SPOCK3: variants seen among roughly 807,000 people sequenced by gnomAD.
SPOCK3 encodes SPARC (osteonectin), cwcv and kazal like domains proteoglycan 3.
A neutral mutation model predicts 56.6 loss-of-function variants in SPOCK3; 30 were observed. The observed-to-expected ratio is 0.53, with a 90% CI of 0.40 to 0.72. The LOEUF (loss-of-function observed/expected upper bound fraction) is 0.72, where lower values mean the gene tolerates loss of function less well. Among genes scored for constraint, SPOCK3 ranks in the 30% least tolerant of loss-of-function variants. SPOCK3 has a pLI of 0.00. For missense variants in SPOCK3, 527 were observed against 530.0 expected (o/e 0.99, Z 0.06); for synonymous variants, 196 against 183.3 (o/e 1.07, Z -0.56).
chr4:166,904,207 T>G (rs1334624849), intron 5 of SPOCK3, among the ~76,000 whole-genome samples: 1 of 151,958 alleles, frequency 6.6e-6, no homozygotes, highest in Non-Finnish European at 1.5e-5. Flanking sequence ...TGTTTCAAAT[T>G]CTTATGTTTA....
chr4:166,804,984 T>A (rs976484186), intron 6 of SPOCK3, among the ~76,000 whole-genome samples: 2 of 152,166 alleles, frequency 1.3e-5, no homozygotes, highest in Non-Finnish European at 2.9e-5. Flanking sequence ...TAAGATGCTT[T>A]CAACCAATAT....
intron 2 of SPOCK3, among the ~76,000 whole-genome samples, chr4:167,163,203 G>T (rs1580482501): frequency 6.9e-6 from 1 of 145,592 alleles, no homozygotes; most frequent in Non-Finnish European, 1.5e-5. Flanking sequence ...TAAATTTTAG[G>T]TAATCCTCAT....
intron 2 of SPOCK3, among the ~76,000 whole-genome samples, chr4:167,114,797 GT>G (rs886924657): frequency 6.6e-6 from 1 of 151,984 alleles, no homozygotes; most frequent in Non-Finnish European, 1.5e-5. Flanking sequence ...TTGTGGTAAG[GT>G]GCTATGTTTC....
At chr4:166,837,008 G>A (rs1017441062) in intron 6 of SPOCK3, among the ~76,000 whole-genome samples, 5 of 152,180 alleles carry the variant, frequency 3.3e-5, no homozygotes, top group Admixed American at 2.6e-4. Flanking sequence ...CGCTCCCATT[G>A]CAAGACCTCA....
chr4:167,217,631 A>G (rs997882443), intron 2 of SPOCK3, among the ~76,000 whole-genome samples: 4 of 152,030 alleles, frequency 2.6e-5, no homozygotes, highest in Admixed American at 2.0e-4. Context: ...AAAAACCTAA[A>G]AAATATGCTA....
At position 167,089,983 on chromosome 4, in the gene SPOCK3, T is replaced by C. The variant is rs547274484; in HGVS notation, c.190-27446A>G. Among the ~76,000 whole-genome samples, 84 of 152,226 alleles carry C rather than the reference T, an allele frequency of 5.5e-4. 1 individual carries two copies. Among genetic ancestry groups the C allele is most frequent in the Middle Eastern group, 6.8e-3 (2 of 294 alleles). ...TGGGTTTTTTTTTATTGCTGAGTAA[T>C]ATTCCATTGTCTGTATGTACAACAA... On this transcript the variant is annotated intron_variant, in intron 2 of 10. Coordinates refer to ENST00000357545, the MANE Select transcript of SPOCK3 (RefSeq NM_001040159.2).
At position 166,885,258 on chromosome 4, in the gene SPOCK3, G is replaced by A. The variant is rs1490517092; in HGVS notation, c.589+3872C>T. On this transcript the variant is annotated intron_variant, in intron 6 of 10. Coordinates refer to ENST00000357545, the MANE Select transcript of SPOCK3 (RefSeq NM_001040159.2). Reference sequence around the variant, plus strand: ...CTAGTATCCTTGCTGGGACTTGGTTGCCTTATTTCTAAAATAACCACCCAC... The same window carrying A: ...CTAGTATCCTTGCTGGGACTTGGTTACCTTATTTCTAAAATAACCACCCAC... Among the ~76,000 whole-genome samples, 33 of 149,660 alleles carry A rather than the reference G, an allele frequency of 2.2e-4. 1 individual carries two copies. In the Admixed American group the frequency reaches 2.2e-3, roughly 10 times the overall value.
rs1350081448 is a variant in SPOCK3 at position 166,735,016 on chromosome 4, C to T, written c.1207G>A (p.Asp403Asn). 1 of 1,493,258 alleles carries T rather than the reference C, an allele frequency of 6.7e-7. No individual in the cohort carries two copies. The highest frequency in any genetic ancestry group is 9.3e-7 in the Non-Finnish European group (1 of 1,070,848). The allele number at this position is 1,493,258 out of a possible 1,614,324, so 92.5% of individuals were successfully genotyped here. A position where few individuals can be genotyped will look rare whatever the true frequency, so the allele number is the denominator to read the frequency against. ...TCATCTTCATCATTCATAATATCGTCTTCATCATCCTCATCATCAGTCCAT... is the reference window on the plus strand; with the variant it reads ...TCATCTTCATCATTCATAATATCGTTTTCATCATCCTCATCATCAGTCCAT... ...HEWTDDEDDEDDIMNDEDEIE... is the reference protein window; with the variant it reads ...HEWTDDEDDENDIMNDEDEIE... Residue 403 changes from aspartate to asparagine, a missense_variant, in exon 11 of 11, where the codon GAC (aspartate) becomes AAC (asparagine). Physicochemically the swap from Asp to Asn is conservative, Grantham distance 23. Transcript: ENST00000357545.
intron 6 of SPOCK3, among the ~76,000 whole-genome samples, chr4:166,818,762 C>T (rs1438711386): frequency 6.6e-6 from 1 of 151,946 alleles, no homozygotes; most frequent in Non-Finnish European, 1.5e-5. Context: ...TATTTTAAAA[C>T]ATTCCAGCTT....
intron 5 of SPOCK3, among the ~76,000 whole-genome samples, chr4:166,900,698 G>A (rs182883676): frequency 5.3e-5 from 8 of 152,188 alleles, no homozygotes; most frequent in Admixed American, 2.0e-4. Context: ...GGCCATAGTC[G>A]AAAACATAAT....
At chr4:166,737,173 C>T (rs2126352218) in intron 10 of SPOCK3, among the ~76,000 whole-genome samples, 1 of 152,204 alleles carries the variant, frequency 6.6e-6, no homozygotes, top group South Asian at 2.1e-4. Context: ...GAAAGGTCTG[C>T]TTTAGCTGAG....
At chr4:167,180,899 A>C (rs2110752043) in intron 2 of SPOCK3, among the ~76,000 whole-genome samples, 1 of 152,324 alleles carries the variant, frequency 6.6e-6, no homozygotes, top group Admixed American at 6.5e-5. Context: ...CCATTACATA[A>C]AATTTAAAAA....
intron 2 of SPOCK3, among the ~76,000 whole-genome samples, chr4:167,197,573 T>A (rs996026945): frequency 3.3e-5 from 5 of 151,674 alleles, no homozygotes; most frequent in African/African-American, 1.2e-4. Flanking sequence ...AATATTATTT[T>A]AAGATTGTAC....
intron 4 of SPOCK3, among the ~76,000 whole-genome samples, chr4:166,923,250 G>A (rs1326532593): frequency 1.3e-5 from 2 of 152,154 alleles, no homozygotes; most frequent in African/African-American, 4.8e-5. Flanking sequence ...AAGGATACAT[G>A]TGATTACATT....
chr4:167,004,438 T>C (rs1579967389), intron 3 of SPOCK3, among the ~76,000 whole-genome samples: 1 of 152,184 alleles, frequency 6.6e-6, no homozygotes, highest in South Asian at 2.1e-4. Flanking sequence ...TGGAAAACAC[T>C]GAACAGGGAG....
chr4:166,990,869 GGAGA>G (rs1012478136), intron 4 of SPOCK3, among the ~76,000 whole-genome samples: 20 of 151,904 alleles, frequency 1.3e-4, no homozygotes, highest in African/African-American at 2.2e-4. Context: ...TTGATGAACT[GGAGA>G]GAGAAATATT....
At chr4:166,925,276 CAT>C (rs1738956877) in intron 4 of SPOCK3, among the ~76,000 whole-genome samples, 1 of 151,964 alleles carries the variant, frequency 6.6e-6, no homozygotes, top group Non-Finnish European at 1.5e-5. Flanking sequence ...ATACAAAAAC[CAT>C]TCTTAATTCT....
chr4:167,170,637 C>A (rs1032279923), intron 2 of SPOCK3, among the ~76,000 whole-genome samples: 4 of 152,142 alleles, frequency 2.6e-5, no homozygotes, highest in Non-Finnish European at 2.9e-5. Context: ...AGTGGCAGAA[C>A]TTATCTTTGA....
At position 167,220,860 on chromosome 4, in the gene SPOCK3, G is replaced by C. The variant is rs563925346; in HGVS notation, c.189+13125C>G. On this transcript the variant is annotated intron_variant, in intron 2 of 10. Transcript: ENST00000357545. ...ATGTGATTTGAAACTACTGACATTT[G>C]TAAGACTAATGAAGGACAGGCAACT... is the stretch of plus-strand genomic sequence containing the variant. Among the ~76,000 whole-genome samples the C allele has an allele frequency of 2.6e-5, 4 of 152,096 alleles. 1 individual carries two copies. The South Asian group carries it at 8.3e-4, about 31-fold the overall frequency.
Sources: allele counts gnomAD v4.1 joint callset (sites outside exome capture counted in the v4.1 genomes callset), GRCh38; gene constraint gnomAD v4.1.1; transcripts MANE v1.5; gene names NCBI Gene and HGNC (gene_info 2026-07-23, HGNC 2026-07-21).